The following KCNQ3 variants were observed in gnomAD, a reference collection of about 807,000 sequenced individuals.
KCNQ3 encodes potassium voltage-gated channel subfamily KQT member 3.
KCNQ3 carries 30 observed loss-of-function variants against 92.5 expected under a neutral mutation model. The observed-to-expected ratio is 0.32, with a 90% CI of 0.24 to 0.44. The LOEUF is 0.44. Among genes scored for constraint, KCNQ3 ranks in the 20% least tolerant of loss-of-function variants. The probability of loss-of-function intolerance (pLI) is 1.00; values close to 1 mark genes in which losing one functional copy is unlikely to be tolerated. For missense variants in KCNQ3, 913 were observed against 1,140.3 expected, an observed-to-expected ratio of 0.80 and a Z score of 2.87; for synonymous variants, 450 against 468.8, an observed-to-expected ratio of 0.96 and a Z score of 0.52.
At chr8:132,459,783 CA>C (rs1273309489) in intron 1 of KCNQ3, among the ~76,000 whole-genome samples, 2 of 148,536 alleles carry the variant, frequency 1.3e-5, no homozygotes, top group African/African-American at 5.0e-5. Flanking sequence ...GGAAGGAAGT[CA>C]CTTATGCAGC....
chr8:132,194,825 C>T (rs1226207742), intron 1 of KCNQ3, among the ~76,000 whole-genome samples: 1 of 152,184 alleles, frequency 6.6e-6, no homozygotes, highest in East Asian at 1.9e-4. Context: ...ATTTGTACAT[C>T]AGAGTTCGGA....
chr8:132,360,264 C>G (rs1336030574), intron 1 of KCNQ3, among the ~76,000 whole-genome samples: 2 of 152,202 alleles, frequency 1.3e-5, no homozygotes, highest in African/African-American at 4.8e-5. Flanking sequence ...TTGAAGTCAG[C>G]CAAGCAACTC....
chr8:132,456,303 C>T (rs189272436), intron 1 of KCNQ3, among the ~76,000 whole-genome samples: 28 of 152,292 alleles, frequency 1.8e-4, no homozygotes, highest in African/African-American at 6.5e-4. Flanking sequence ...TCCGAGTCAC[C>T]GCAATATTCC....
At chr8:132,148,121 A>G (rs1345202924) in intron 9 of KCNQ3, among the ~76,000 whole-genome samples, 1 of 152,244 alleles carries the variant, frequency 6.6e-6, no homozygotes, top group Non-Finnish European at 1.5e-5. Context: ...TTTATTCTTT[A>G]AAATAAAATG....
chr8:132,355,617 G>T (rs552208174), intron 1 of KCNQ3, among the ~76,000 whole-genome samples: 2 of 152,032 alleles, frequency 1.3e-5, no homozygotes, highest in South Asian at 2.1e-4. Flanking sequence ...AGGGAAGCTG[G>T]TCTAAAAAAA....
At chr8:132,145,688 A>G (rs1421733023) in intron 9 of KCNQ3, among the ~76,000 whole-genome samples, 1 of 152,246 alleles carries the variant, frequency 6.6e-6, no homozygotes, top group Non-Finnish European at 1.5e-5. Context: ...TATAATAAGT[A>G]AACAGACACA....
chr8:132,309,854 G>A (rs2130608040), intron 1 of KCNQ3, among the ~76,000 whole-genome samples: 1 of 152,302 alleles, frequency 6.6e-6, no homozygotes. Flanking sequence ...ACTTGGAAGG[G>A]CCCTAAACAT....
chr8:132,473,759 T>C (rs1455928775), intron 1 of KCNQ3, among the ~76,000 whole-genome samples: 2 of 152,124 alleles, frequency 1.3e-5, no homozygotes, highest in African/African-American at 4.8e-5. Context: ...GAGGCCCAAA[T>C]TTATCTTACC....
intron 1 of KCNQ3, among the ~76,000 whole-genome samples, chr8:132,364,315 A>G (rs1031184106): frequency 6.6e-6 from 1 of 152,222 alleles, no homozygotes. Context: ...GACCACCCCA[A>G]TCTAGGGCTC....
In KCNQ3 at chr8:132,180,248, A is replaced by G; in HGVS notation, c.686T>C (p.Leu229Pro). 1 of 1,614,204 alleles carries G rather than the reference A, an allele frequency of 6.2e-7. No homozygotes were observed. The highest frequency in any genetic ancestry group is 8.5e-7 in the Non-Finnish European group (1 of 1,180,038). The part of the protein sequence containing the change: ...GNVLATSLRS[L>P]RFLQILRMLR... The stretch of plus-strand genomic sequence containing the variant: ...CATGCGCAGGATCTGCAGGAAGCGC[A>G]GGCTTCGCAGGGAGGTGGCCAGAAC... Residue 229 changes from leucine (L) to proline (P), a missense_variant, in exon 4 of 15, where the codon CTG becomes CCG. Leu to Pro is a moderately conservative substitution (Grantham distance 98, BLOSUM62 -3). Coordinates refer to ENST00000388996, the MANE Select transcript of KCNQ3 (RefSeq NM_004519.4).
intron 1 of KCNQ3, among the ~76,000 whole-genome samples, chr8:132,191,264 TAGTAGCTGGGACTACAGGTCCCA>T (rs1827147537): frequency 6.6e-6 from 1 of 152,120 alleles, no homozygotes; most frequent in Non-Finnish European, 1.5e-5. Flanking sequence ...CTCCCATCTG[TAGTAGCTGGGACTACAGGTCCCA>T]AGTAGCTGGA....
chr8:132,260,320 AT>A, intron 1 of KCNQ3, among the ~76,000 whole-genome samples: 1 of 152,332 alleles, frequency 6.6e-6, no homozygotes, highest in Admixed American at 6.5e-5. Flanking sequence ...GAATATGAAT[AT>A]GTATTCATTC....
chr8:132,468,553 C>T (rs1822231882), intron 1 of KCNQ3, among the ~76,000 whole-genome samples: 2 of 152,206 alleles, frequency 1.3e-5, no homozygotes, highest in South Asian at 4.1e-4. Flanking sequence ...CAAGCAGGCA[C>T]CTGCTGTAGC....
At chr8:132,429,591 T>C (rs1392837433) in intron 1 of KCNQ3, among the ~76,000 whole-genome samples, 1 of 152,172 alleles carries the variant, frequency 6.6e-6, no homozygotes, top group Non-Finnish European at 1.5e-5. Flanking sequence ...CTGGGTGCAG[T>C]GGCTCACGCC....
chr8:132,378,197 G>A (rs747734221), intron 1 of KCNQ3, among the ~76,000 whole-genome samples: 22 of 151,996 alleles, frequency 1.4e-4, no homozygotes, highest in Non-Finnish European at 2.5e-4. Flanking sequence ...AGTTTGAGAT[G>A]AGCCTGGCCA....
At chr8:132,130,574 A>T (rs1824849785) in intron 14 of KCNQ3, among the ~76,000 whole-genome samples, 1 of 152,188 alleles carries the variant, frequency 6.6e-6, no homozygotes, top group Non-Finnish European at 1.5e-5. Context: ...AGATGCTTTG[A>T]AGTGTTACAG....
chr8:132,319,501 A>T (rs1346893563), intron 1 of KCNQ3, among the ~76,000 whole-genome samples: 1 of 152,288 alleles, frequency 6.6e-6, no homozygotes, highest in East Asian at 1.9e-4. Flanking sequence ...CCTTTAGAAC[A>T]AGCCTATGAT....
chr8:132,150,987 TA>T (rs1195091756), intron 9 of KCNQ3, among the ~76,000 whole-genome samples: 1 of 152,180 alleles, frequency 6.6e-6, no homozygotes, highest in Non-Finnish European at 1.5e-5. Context: ...TTGTTGGTTA[TA>T]AAAAATAATT....
intron 1 of KCNQ3, among the ~76,000 whole-genome samples, chr8:132,455,998 G>A (rs967758372): frequency 2.0e-5 from 3 of 151,874 alleles, no homozygotes; most frequent in Admixed American, 6.6e-5. Context: ...GCCCACCTCC[G>A]CCTCCCAAAG....
Sources: gnomAD v4.1 joint callset for allele counts (sites outside exome capture counted in the v4.1 genomes callset) on GRCh38, gnomAD v4.1.1 for gene constraint, MANE v1.5 for transcripts, NCBI Gene and HGNC (gene_info 2026-07-23, HGNC 2026-07-21) for gene names.